TEX48: variants seen among roughly 807,000 people sequenced by gnomAD.
TEX48 encodes testis-expressed protein 48.
In TEX48, 10 loss-of-function variants were observed where a neutral mutation model predicts 13.2. The ratio of observed to expected loss-of-function variants is 0.75; its 90% CI spans 0.47 to 1.28. The LOEUF (loss-of-function observed/expected upper bound fraction) is 1.28. Among genes scored for constraint, TEX48 ranks in the 50% most tolerant of loss-of-function variants. The probability of loss-of-function intolerance (pLI) is 0.00; values close to 1 mark genes in which losing one functional copy is unlikely to be tolerated. For missense variants in TEX48, 116 were observed against 139.4 expected (o/e 0.83, Z 0.84); for synonymous variants, 45 against 52.3 (o/e 0.86, Z 0.60).
At chr9:114,675,098 T>A (rs1175780210) in intron 1 of TEX48, among the ~76,000 whole-genome samples, 2 of 152,202 alleles carry the variant, frequency 1.3e-5, no homozygotes, top group Non-Finnish European at 2.9e-5. Context: ...TCTCAGTGTC[T>A]AGAGCAGTAC....
intron 1 of TEX48, among the ~76,000 whole-genome samples, chr9:114,675,772 T>A (rs147875930): frequency 9.7e-4 from 148 of 152,332 alleles, no homozygotes; most frequent in Non-Finnish European, 1.8e-3. Context: ...ATTCTCTTCA[T>A]CCTCATCTTC....
Position 114,668,130 on chromosome 9 carries a change from T to C in TEX48, c.259+76A>G. ...CCATCTCGCTTAGCTGAAGTATCAATGGGGTCTGGTTATTAGGACCAGGCT... is the reference window on the plus strand; with the variant it reads ...CCATCTCGCTTAGCTGAAGTATCAACGGGGTCTGGTTATTAGGACCAGGCT... On this transcript the variant is annotated intron_variant, in intron 4 of 4. Coordinates refer to ENST00000436752, the MANE Select transcript of TEX48 (RefSeq NM_001199233.2). 2.6e-6 allele frequency: 4 copies of C among 1,513,822 alleles called. No homozygotes were observed. The Admixed American group carries it at 8.0e-5, about 30-fold the overall frequency. 93.8% of individuals were successfully genotyped at this position (1,513,822 alleles called of 1,614,324 possible). A position where few individuals can be genotyped will look rare whatever the true frequency, so the allele number is the denominator to read the frequency against.
intron 1 of TEX48, among the ~76,000 whole-genome samples, chr9:114,681,213 C>T (rs771220402): frequency 4.6e-5 from 7 of 151,946 alleles, no homozygotes; most frequent in Non-Finnish European, 1.0e-4. Context: ...TTATCAGCAG[C>T]GATCTGAAGC....
chr9:114,680,336 A>G (rs1008081622), intron 1 of TEX48, among the ~76,000 whole-genome samples: 1 of 151,962 alleles, frequency 6.6e-6, no homozygotes, highest in African/African-American at 2.4e-5. Context: ...ATGTTGGGTC[A>G]GGCTGGTCTC....
At chr9:114,672,847 C>G (rs1451851271) in intron 1 of TEX48, among the ~76,000 whole-genome samples, 1 of 152,132 alleles carries the variant, frequency 6.6e-6, no homozygotes, top group African/African-American at 2.4e-5. Context: ...AATAGAAATT[C>G]TAGTTCTATA....
At chr9:114,667,456 C>T (rs1379685521) in intron 4 of TEX48, among the ~76,000 whole-genome samples, 1 of 152,208 alleles carries the variant, frequency 6.6e-6, no homozygotes, top group East Asian at 1.9e-4. Flanking sequence ...ACTCAATCCA[C>T]AAGTGTTTTC....
At chr9:114,671,234 T>C (rs1409412378) in intron 3 of TEX48, 149 bp downstream of exon 3, 1 of 869,242 alleles carries the variant, frequency 1.2e-6, no homozygotes, top group Non-Finnish European at 1.7e-6. Context: ...TTGGTTTGAG[T>C]ACTTAGCCAT....
At chr9:114,672,457 A>T (rs558596359) in intron 1 of TEX48, among the ~76,000 whole-genome samples, 1 of 151,812 alleles carries the variant, frequency 6.6e-6, no homozygotes, top group East Asian at 1.9e-4. Context: ...TTCTGTTCTC[A>T]CTCCCCTTCT....
chr9:114,674,292 GC>G (rs906357967), intron 1 of TEX48, among the ~76,000 whole-genome samples: 2 of 151,312 alleles, frequency 1.3e-5, no homozygotes, highest in Non-Finnish European at 2.9e-5. Context: ...AATTCCATTT[GC>G]CCCCCCTGCT....
intron 4 of TEX48, 114 bp from the exon 5 acceptor site, chr9:114,666,860 A>C: frequency 1.6e-6 from 1 of 620,712 alleles, no homozygotes; most frequent in South Asian, 2.0e-5. Flanking sequence ...CTTGAATCTC[A>C]AGGGACCCAA....
At chr9:114,680,940 C>T (rs918308118) in intron 1 of TEX48, among the ~76,000 whole-genome samples, 1 of 152,192 alleles carries the variant, frequency 6.6e-6, no homozygotes, top group Non-Finnish European at 1.5e-5. Context: ...TCCCAAAGCC[C>T]CTTATGCATC....
chr9:114,674,963 G>C (rs1589378856), intron 1 of TEX48, among the ~76,000 whole-genome samples: 1 of 151,342 alleles, frequency 6.6e-6, no homozygotes, highest in East Asian at 1.9e-4. Context: ...GAGTCACCGT[G>C]CCCAGCTTCA....
chr9:114,676,620 CTT>C (rs112453573), intron 1 of TEX48, among the ~76,000 whole-genome samples: 5 of 143,924 alleles, frequency 3.5e-5, no homozygotes, highest in Admixed American at 6.9e-5. Context: ...ATTTTATTCA[CTT>C]TTTTTTTTTT....
chr9:114,680,095 G>C (rs1179582947), intron 1 of TEX48, among the ~76,000 whole-genome samples: 1 of 132,220 alleles, frequency 7.6e-6, no homozygotes, highest in East Asian at 2.3e-4. Context: ...AGATCTTTTT[G>C]AAAATACTTT....
intron 1 of TEX48, among the ~76,000 whole-genome samples, chr9:114,674,741 C>T (rs1828030321): frequency 6.6e-6 from 1 of 151,132 alleles, no homozygotes; most frequent in South Asian, 2.1e-4. Context: ...AGTGCAGTGG[C>T]ACAATCATGG....
Position 114,667,191 on chromosome 9 carries a change from T to C in TEX48, c.260-445A>G, listed in dbSNP as rs76797063. Among the ~76,000 whole-genome samples the C allele has an allele frequency of 4.8e-3, 724 of 152,286 alleles. 9 individuals carry two copies. Among genetic ancestry groups the C allele is most frequent in the African/African-American group, 0.016 (648 of 41,554 alleles). On this transcript the variant is annotated intron_variant, in intron 4 of 4. Transcript: ENST00000436752. ...GCAGAGCTGTTCCTCTTTGATCTTTTATAGAAAATGGACTCTGTGAAATGC... is the reference window on the plus strand; with the variant it reads ...GCAGAGCTGTTCCTCTTTGATCTTTCATAGAAAATGGACTCTGTGAAATGC...
intron 3 of TEX48, 128 bp downstream of exon 3, chr9:114,671,255 C>T: frequency 2.6e-6 from 3 of 1,136,666 alleles, no homozygotes; most frequent in Middle Eastern, 2.9e-4. Flanking sequence ...CCAACACCCA[C>T]CTCATTTTAA....
At chr9:114,679,936 C>G (rs1828154586) in intron 1 of TEX48, among the ~76,000 whole-genome samples, 1 of 152,032 alleles carries the variant, frequency 6.6e-6, no homozygotes. Flanking sequence ...TTAGGGGAGT[C>G]TGCACCATTG....
intron 1 of TEX48, among the ~76,000 whole-genome samples, chr9:114,681,420 T>C (rs1828199070): frequency 6.6e-6 from 1 of 152,222 alleles, no homozygotes; most frequent in African/African-American, 2.4e-5. Flanking sequence ...TCTGGGGGTA[T>C]AATTCTTGGA....
Sources: gnomAD v4.1 joint callset for allele counts (sites outside exome capture counted in the v4.1 genomes callset) on GRCh38, gnomAD v4.1.1 for gene constraint, MANE v1.5 for transcripts, NCBI Gene and HGNC (gene_info 2026-07-23, HGNC 2026-07-21) for gene names.